The following DNM3 variants were observed in gnomAD, a reference collection of about 807,000 sequenced individuals.
DNM3 encodes dynamin-3.
Under a neutral mutation model 101.6 loss-of-function variants are expected in DNM3, and 47 were observed. The ratio of observed to expected loss-of-function variants is 0.46; its 90% CI spans 0.37 to 0.59. The LOEUF (loss-of-function observed/expected upper bound fraction) is 0.59. DNM3 is among the 20% of genes least tolerant of loss of function. The pLI is 0.00. For missense variants in DNM3, 849 were observed against 1,085.7 expected, an observed-to-expected ratio of 0.78 and a Z score of 3.06; for synonymous variants, 385 against 387.9, an observed-to-expected ratio of 0.99 and a Z score of 0.09.
At chr1:172,126,796 T>C (rs2056647903) in intron 13 of DNM3, among the ~76,000 whole-genome samples, 1 of 152,028 alleles carries the variant, frequency 6.6e-6, no homozygotes, top group Non-Finnish European at 1.5e-5. Flanking sequence ...CCTCCTGACC[T>C]TATTTCTCTG....
At chr1:171,843,327 C>A (rs559178074) in intron 1 of DNM3, among the ~76,000 whole-genome samples, 65 of 152,182 alleles carry the variant, frequency 4.3e-4, no homozygotes, top group Non-Finnish European at 6.8e-4. Flanking sequence ...ATTTTGCCTA[C>A]GTCATCTTAG....
chr1:172,131,235 G>T lies in DNM3; in HGVS notation c.1606G>T (p.Gly536Ter). The T allele has an allele frequency of 1.2e-6, 2 of 1,613,340 alleles. No individual in the cohort carries two copies. Among genetic ancestry groups the T allele is most frequent in the Non-Finnish European group, 1.7e-6 (2 of 1,179,574 alleles). ...NIGIMKGGSKGYWFVLTAESL... is the reference protein window; with the variant it reads ...NIGIMKGGSK ...TGGCATCATGAAAGGCGGCTCGAAGGGATACTGGTTCGTCCTTACTGCGGA... is the reference window on the plus strand; with the variant it reads ...TGGCATCATGAAAGGCGGCTCGAAGTGATACTGGTTCGTCCTTACTGCGGA... Residue 536 changes from glycine (G) to a stop codon, truncating the protein, a stop_gained, in exon 14 of 21, where the codon GGA becomes TGA. Transcript: ENST00000627582. LOFTEE classifies it high-confidence loss of function.
At chr1:172,093,698 A>C in intron 13 of DNM3, 1 of 1,606,344 alleles carries the variant, frequency 6.2e-7, no homozygotes, top group Non-Finnish European at 8.5e-7. Context: ...TATTTCAGGG[A>C]ACCAATCTTC....
chr1:171,957,174 G>A (rs1054486316), intron 2 of DNM3, among the ~76,000 whole-genome samples: 25 of 151,520 alleles, frequency 1.6e-4, no homozygotes, highest in African/African-American at 9.7e-5. Flanking sequence ...CTCAGAAAAC[G>A]TGTTTTTCTT....
chr1:172,378,647 C>CA (rs1226316524), intron 17 of DNM3, among the ~76,000 whole-genome samples: 1 of 152,060 alleles, frequency 6.6e-6, no homozygotes, highest in Non-Finnish European at 1.5e-5. Context: ...AGACTCCTCT[C>CA]AGAGGTTTAC....
chr1:172,324,075 C>A (rs758137875), intron 17 of DNM3, among the ~76,000 whole-genome samples: 7 of 152,132 alleles, frequency 4.6e-5, no homozygotes, highest in Non-Finnish European at 7.4e-5. Context: ...TTTAATTCAA[C>A]TTTTCCAAAA....
At chr1:172,289,719 G>A (rs187265488) in intron 15 of DNM3, 3 of 984,526 alleles carry the variant, frequency 3.0e-6, no homozygotes, top group South Asian at 4.7e-5. Flanking sequence ...TAGAGTTTTG[G>A]TTGCATGTTC....
chr1:171,949,466 G>A (rs2042368267), intron 2 of DNM3, among the ~76,000 whole-genome samples: 1 of 152,212 alleles, frequency 6.6e-6, no homozygotes, highest in African/African-American at 2.4e-5. Context: ...CTGGAGTGCA[G>A]TAAAATGATC....
rs1215213173 is a variant in DNM3, at chr1:172,387,173, A to C, written c.2099A>C (p.Tyr700Ser). ...FINSELLAQLYSSEDQNTLME... is the reference protein window; with the variant it reads ...FINSELLAQLSSSEDQNTLME... ...AATTCCGAGCTCCTAGCACAGTTGT[A>C]TTCTTCAGAGGACCAAAATACCCTG... The change falls in exon 19 of 21, where the codon TAT (tyrosine) becomes TCT (serine). Residue 700 changes from tyrosine to serine, a missense_variant. Around this residue, in one of 5 missense-constraint regions of DNM3, gnomAD observed 256 missense variants for 311.7 expected, o/e 0.82. Coordinates refer to ENST00000627582, the MANE Select transcript of DNM3 (RefSeq NM_015569.5). The C allele has an allele frequency of 6.2e-7, 1 of 1,614,000 alleles. No individual in the cohort carries two copies. Among genetic ancestry groups the C allele is most frequent in the Non-Finnish European group, 8.5e-7 (1 of 1,179,882 alleles).
intron 2 of DNM3, among the ~76,000 whole-genome samples, chr1:171,942,505 G>A (rs767212185): frequency 9.9e-5 from 15 of 152,028 alleles, no homozygotes; most frequent in South Asian, 4.1e-4. Flanking sequence ...GTGAATATTA[G>A]ATGTTAATTG....
intron 1 of DNM3, among the ~76,000 whole-genome samples, chr1:171,849,794 T>C (rs1164883342): frequency 6.6e-6 from 1 of 152,204 alleles, no homozygotes; most frequent in African/African-American, 2.4e-5. Flanking sequence ...ATGTTTTGTT[T>C]ACTTTAATTT....
Position 172,409,516 on chromosome 1 carries a change from T to C in DNM3, c.*1675T>C. ...AGATTTACATAAAGGTCATTTCAAC[T>C]TTTAAGGTTACCAGTGATTGTATAA... On this transcript the variant is annotated 3_prime_UTR_variant, in exon 21 of 21. Transcript: ENST00000627582. 2 of 984,426 alleles carry C rather than the reference T, an allele frequency of 2.0e-6. No individual in the cohort carries two copies. The highest frequency in any genetic ancestry group is 2.4e-6 in the Non-Finnish European group (2 of 829,038). 61.0% of individuals were successfully genotyped at this position (984,426 alleles called of 1,614,324 possible).
At chr1:172,414,307 C>A (rs931332510), downstream of DNM3, among the ~76,000 whole-genome samples, 1 of 152,172 alleles carries the variant, frequency 6.6e-6, no homozygotes, top group Non-Finnish European at 1.5e-5. Context: ...AAAACTACAA[C>A]CTTAATTCAA....
chr1:172,414,585 T>C (rs1268816244), downstream of DNM3, among the ~76,000 whole-genome samples: 1 of 152,128 alleles, frequency 6.6e-6, no homozygotes, highest in Non-Finnish European at 1.5e-5. Context: ...CTTCAGTGGC[T>C]TTAAGCCAAA....
intron 1 of DNM3, among the ~76,000 whole-genome samples, 189 bp downstream of exon 1, chr1:171,842,006 A>G (rs2031285350): frequency 1.3e-5 from 2 of 151,996 alleles, no homozygotes; most frequent in African/African-American, 4.8e-5. Flanking sequence ...AGCTCTGGGC[A>G]TCCTCCGTCC....
intron 1 of DNM3, among the ~76,000 whole-genome samples, chr1:171,847,624 A>T (rs377381209): frequency 6.6e-6 from 1 of 152,192 alleles, no homozygotes; most frequent in Non-Finnish European, 1.5e-5. Context: ...CAAGTATTTT[A>T]TAAGGACTTC....
intron 20 of DNM3, chr1:172,400,029 C>T (rs1000213737): frequency 6.6e-6 from 1 of 152,168 alleles, no homozygotes; most frequent in Non-Finnish European, 1.5e-5. Flanking sequence ...TGCTCCCTCT[C>T]AGAAAGGGAC....
chr1:172,235,287 C>A (rs2061494868), intron 14 of DNM3, among the ~76,000 whole-genome samples: 1 of 152,148 alleles, frequency 6.6e-6, no homozygotes, highest in Non-Finnish European at 1.5e-5. Flanking sequence ...CAAATCAAAA[C>A]CACAATGAGA....
In DNM3 at chr1:171,894,055, C is replaced by T. The variant is rs558810673; in HGVS notation, c.162-27693C>T. Among the ~76,000 whole-genome samples, 16 of 152,194 alleles carry T rather than the reference C, an allele frequency of 1.1e-4. No individual in the cohort carries two copies. The South Asian group carries it at 3.3e-3, about 32-fold the overall frequency. ...GCCAGGATGGTCTCCATCTCCTGAC[C>T]TCATGATCTGCCCACCTCGGCCTCC... On this transcript the variant is annotated intron_variant, in intron 1 of 20. Transcript: ENST00000627582.
Sources: allele counts gnomAD v4.1 joint callset (sites outside exome capture counted in the v4.1 genomes callset), GRCh38; gene constraint gnomAD v4.1.1; regional missense constraint gnomAD v4.1.1; transcripts MANE v1.5; gene names NCBI Gene and HGNC (gene_info 2026-07-23, HGNC 2026-07-21).